Variants in TAF4B observed in about 807,000 individuals in gnomAD.
TAF4B encodes TATA-box binding protein associated factor 4b, also known as transcription initiation factor TFIID subunit 4B.
A neutral mutation model predicts 86.4 loss-of-function variants in TAF4B; 38 were observed. That is an observed-to-expected ratio of 0.44 (90% CI 0.34 to 0.58). The LOEUF is 0.58. TAF4B is among the 20% of genes least tolerant of loss of function. TAF4B has a pLI of 0.02. For synonymous variants in TAF4B, 388 were observed against 391.2 expected (o/e 0.99, Z 0.10); for missense variants, 988 against 1,027.6 (o/e 0.96, Z 0.53).
chr18:26,226,673 C>T lies in TAF4B; in HGVS notation c.-261C>T, dbSNP rs1350893480. ...GCTGAGGCAGCGCACGTGTGAGCGC[C>T]GCTGAGGAAGCTGCGAGAGGTCGGG... On this transcript the variant is annotated 5_prime_UTR_variant, in exon 1 of 15. Coordinates refer to ENST00000269142, the MANE Select transcript of TAF4B (RefSeq NM_005640.3). 1.4e-5 allele frequency: 5 copies of T among 363,548 alleles called. No homozygotes were observed. Among genetic ancestry groups the T allele is most frequent in the African/African-American group, 4.2e-5 (2 of 47,642 alleles). The allele number at this position is 363,548 out of a possible 1,614,324, so 22.5% of individuals were successfully genotyped here.
At chr18:26,354,303 C>T (rs965426083) in intron 13 of TAF4B, among the ~76,000 whole-genome samples, 5 of 152,144 alleles carry the variant, frequency 3.3e-5, no homozygotes, top group Admixed American at 2.0e-4. Flanking sequence ...GAACTCCTGA[C>T]CTCAAGTGAT....
chr18:26,331,568 C>T (rs2057050806), intron 12 of TAF4B, among the ~76,000 whole-genome samples: 1 of 152,184 alleles, frequency 6.6e-6, no homozygotes, highest in Admixed American at 6.5e-5. Flanking sequence ...ATACCTTTTA[C>T]TCTTATAGAT....
intron 9 of TAF4B, among the ~76,000 whole-genome samples, chr18:26,305,814 C>T (rs776757558): frequency 2.0e-5 from 3 of 152,006 alleles, no homozygotes; most frequent in Non-Finnish European, 4.4e-5. Flanking sequence ...TTATTTTTCT[C>T]TCGTGCATGA....
chr18:26,344,165 G>A (rs2057157716), intron 13 of TAF4B, among the ~76,000 whole-genome samples: 1 of 152,134 alleles, frequency 6.6e-6, no homozygotes, highest in South Asian at 2.1e-4. Context: ...GAGCTGAATA[G>A]CGGATAGAAA....
At chr18:26,318,159 A>G (rs1021562010) in intron 10 of TAF4B, among the ~76,000 whole-genome samples, 3 of 152,122 alleles carry the variant, frequency 2.0e-5, no homozygotes, top group Admixed American at 6.6e-5. Context: ...CAACCTTTTG[A>G]AGTAGCTGGG....
intron 14 of TAF4B, among the ~76,000 whole-genome samples, chr18:26,361,832 A>G (rs1728258431): frequency 6.6e-6 from 1 of 151,502 alleles, no homozygotes; most frequent in African/African-American, 2.4e-5. Context: ...GAGTTGTTCT[A>G]GTACAGGACA....
intron 1 of TAF4B, among the ~76,000 whole-genome samples, chr18:26,244,364 A>G (rs1316646854): frequency 6.6e-6 from 1 of 152,164 alleles, no homozygotes; most frequent in Non-Finnish European, 1.5e-5. Flanking sequence ...TGGGCGTGGG[A>G]CCCTCTGAGC....
chr18:26,391,439 A>G lies in TAF4B; in HGVS notation c.*1427A>G, dbSNP rs1297067594. 1.3e-5 allele frequency: 2 copies of G among 151,446 alleles called. No homozygotes were observed. The highest frequency in any genetic ancestry group is 2.9e-5 in the Non-Finnish European group (2 of 67,906). 9.4% of individuals were successfully genotyped at this position (151,446 alleles called of 1,614,324 possible). A position where few individuals can be genotyped will look rare whatever the true frequency, so the allele number is the denominator to read the frequency against. ...TGGGACTGTTATGGCCATATTCTAC[A>G]GTATAGTAAATTTTAAATTGGCCAC... On this transcript the variant is annotated 3_prime_UTR_variant, in exon 15 of 15. Coordinates refer to ENST00000269142, the MANE Select transcript of TAF4B (RefSeq NM_005640.3).
chr18:26,337,140 C>G (rs1453503777), intron 13 of TAF4B, among the ~76,000 whole-genome samples: 2 of 152,032 alleles, frequency 1.3e-5, no homozygotes, highest in African/African-American at 4.8e-5. Context: ...AACTTCTTTC[C>G]AAAATATTTT....
At chr18:26,259,976 C>G (rs1484833582) in intron 1 of TAF4B, among the ~76,000 whole-genome samples, 1 of 152,176 alleles carries the variant, frequency 6.6e-6, no homozygotes, top group Non-Finnish European at 1.5e-5. Flanking sequence ...GATTGCCATT[C>G]TAACTGGTGT....
chr18:26,239,153 AGG>A (rs1248361143), intron 1 of TAF4B, among the ~76,000 whole-genome samples: 1 of 152,238 alleles, frequency 6.6e-6, no homozygotes, highest in Non-Finnish European at 1.5e-5. Flanking sequence ...TAGATCCTTG[AGG>A]AATTGCCACA....
In TAF4B at chr18:26,375,798, C is replaced by G. The variant is rs192142009; in HGVS notation, c.2422-14047C>G. ...AAAACCATTACTTAATCCAGTGTCACAATAATTTATGTTTTCTTCTAGGAG... is the reference window on the plus strand; with the variant it reads ...AAAACCATTACTTAATCCAGTGTCAGAATAATTTATGTTTTCTTCTAGGAG... On this transcript the variant is annotated intron_variant, in intron 14 of 14. Coordinates refer to ENST00000269142, the MANE Select transcript of TAF4B (RefSeq NM_005640.3). Among the ~76,000 whole-genome samples the G allele has an allele frequency of 1.8e-4, 27 of 152,164 alleles. No individual in the cohort carries two copies. The East Asian group carries it at 5.0e-3, about 28-fold the overall frequency.
intron 14 of TAF4B, among the ~76,000 whole-genome samples, chr18:26,358,581 G>T (rs186649633): frequency 2.0e-3 from 307 of 152,268 alleles, no homozygotes; most frequent in African/African-American, 7.4e-3. Flanking sequence ...GTGGTGGCGG[G>T]CACCTGTAGT....
At chr18:26,245,624 T>C (rs1489012316) in intron 1 of TAF4B, among the ~76,000 whole-genome samples, 1 of 152,298 alleles carries the variant, frequency 6.6e-6, no homozygotes, top group Admixed American at 6.5e-5. Flanking sequence ...AAACGCTGAT[T>C]GGTGCATTTT....
intron 14 of TAF4B, among the ~76,000 whole-genome samples, chr18:26,368,056 A>G (rs967508513): frequency 2.0e-5 from 3 of 152,220 alleles, no homozygotes; most frequent in Admixed American, 6.5e-5. Context: ...TTACATGGAA[A>G]TATGGTGTAG....
At chr18:26,263,698 G>A (rs1002905961) in intron 1 of TAF4B, among the ~76,000 whole-genome samples, 12 of 150,634 alleles carry the variant, frequency 8.0e-5, no homozygotes, top group African/African-American at 4.9e-5. Context: ...TCTTTCTTTC[G>A]CTCTTTCTCT....
At chr18:26,300,316 A>ATTATTG (rs1458567179) in intron 9 of TAF4B, among the ~76,000 whole-genome samples, 1 of 148,744 alleles carries the variant, frequency 6.7e-6, no homozygotes, top group South Asian at 2.1e-4. Context: ...ATTTATTATT[A>ATTATTG]TTATTATTAT....
chr18:26,247,100 G>A (rs953231700), intron 1 of TAF4B, among the ~76,000 whole-genome samples: 24 of 152,078 alleles, frequency 1.6e-4, no homozygotes, highest in African/African-American at 5.8e-4. Flanking sequence ...CCCGATCTTA[G>A]GTGATCCACC....
chr18:26,386,911 G>A (rs1427210802), intron 14 of TAF4B, among the ~76,000 whole-genome samples: 1 of 152,160 alleles, frequency 6.6e-6, no homozygotes, highest in Non-Finnish European at 1.5e-5. Context: ...CCAAGACATT[G>A]TGTCTGTCTA....
Sources: gnomAD v4.1 joint callset for allele counts (sites outside exome capture counted in the v4.1 genomes callset) on GRCh38, gnomAD v4.1.1 for gene constraint, MANE v1.5 for transcripts, NCBI Gene and HGNC (gene_info 2026-07-23, HGNC 2026-07-21) for gene names.